The following CAST variants were observed in gnomAD, a reference collection of about 807,000 sequenced individuals.
CAST encodes the protein calpastatin, also known as MIR583 host.
A neutral mutation model predicts 119.6 loss-of-function variants in CAST; 76 were observed. That is an observed-to-expected ratio of 0.64 (90% CI 0.53 to 0.77). The LOEUF is 0.77. Ranked by LOEUF, CAST falls within the 30% of genes least tolerant of loss-of-function variation. CAST has a pLI of 0.00. For synonymous variants in CAST, 319 were observed against 331.6 expected, an observed-to-expected ratio of 0.96 and a Z score of 0.41; for missense variants, 953 against 946.5, an observed-to-expected ratio of 1.01 and a Z score of -0.09.
the CAST span, among the ~76,000 whole-genome samples, chr5:96,076,501 G>A: frequency 2.6e-5 from 4 of 152,152 alleles, no homozygotes; most frequent in African/African-American, 4.8e-5. Flanking sequence ...ATCCTTCTGC[G>A]TGTAAATAAA....
the CAST span, among the ~76,000 whole-genome samples, chr5:96,458,160 G>A: frequency 5.3e-5 from 8 of 151,810 alleles, no homozygotes; most frequent in South Asian, 1.7e-3. Flanking sequence ...TAAAATAGTT[G>A]AAAAAAAATG....
chr5:95,997,091 C>CCTT, the CAST span, among the ~76,000 whole-genome samples: 1 of 152,150 alleles, frequency 6.6e-6, no homozygotes, highest in East Asian at 1.9e-4. Flanking sequence ...CATACAATGA[C>CCTT]TCAACAGATT....
the CAST span, among the ~76,000 whole-genome samples, chr5:96,518,505 G>T: frequency 9.5e-4 from 145 of 152,254 alleles, no homozygotes; most frequent in Middle Eastern, 3.4e-3. Context: ...TTGACTCAAG[G>T]GTGGGACCCA....
At chr5:96,160,882 T>C in the CAST span, among the ~76,000 whole-genome samples, 2 of 152,354 alleles carry the variant, frequency 1.3e-5, no homozygotes, top group Middle Eastern at 3.4e-3. Flanking sequence ...ATTTTGTATG[T>C]GCTTATTGGT....
the CAST span, chr5:96,425,748 T>C: frequency 6.1e-6 from 5 of 816,550 alleles, no homozygotes; most frequent in Admixed American, 4.1e-5. Context: ...AAAAAATCCA[T>C]GTTGCAAATG....
At chr5:96,346,648 G>A in the CAST span, among the ~76,000 whole-genome samples, 9 of 152,088 alleles carry the variant, frequency 5.9e-5, no homozygotes, top group Non-Finnish European at 7.4e-5. Flanking sequence ...ACCTCATAAT[G>A]TATCGTCTGT....
chr5:96,736,983 CA>C (rs1211242783), intron 10 of CAST, among the ~76,000 whole-genome samples: 1 of 152,134 alleles, frequency 6.6e-6, no homozygotes, highest in African/African-American at 2.4e-5. Context: ...ACTTTCTTCA[CA>C]AGGCAGCAGG....
chr5:96,283,669 C>T, the CAST span, among the ~76,000 whole-genome samples: 2 of 152,328 alleles, frequency 1.3e-5, no homozygotes, highest in South Asian at 4.1e-4. Flanking sequence ...TGAGTCCAGC[C>T]CTGTCCTCGG....
chr5:96,586,757 C>T (rs1010726382), intron 1 of CAST, among the ~76,000 whole-genome samples: 1 of 152,232 alleles, frequency 6.6e-6, no homozygotes, highest in Non-Finnish European at 1.5e-5. Context: ...GTATAAATTA[C>T]ATACCTACCA....
Position 96,671,097 on chromosome 5 carries a change from G to A in CAST, c.76-4442G>A, listed in dbSNP as rs368186778. Among the ~76,000 whole-genome samples the A allele has an allele frequency of 1.6e-4, 25 of 152,312 alleles. 1 individual carries two copies. Among genetic ancestry groups the A allele is most frequent in the African/African-American group, 6.0e-4 (25 of 41,578 alleles). On this transcript the variant is annotated intron_variant, in intron 1 of 31. Transcript: ENST00000675179. The stretch of plus-strand genomic sequence containing the variant: ...CTATGTGATAAAGGGGGTGAAAACA[G>A]TTTGGAAAATTATTCCTTCTTGAGT...
chr5:96,263,896 A>C, the CAST span, among the ~76,000 whole-genome samples: 1 of 152,158 alleles, frequency 6.6e-6, no homozygotes, highest in East Asian at 1.9e-4. Flanking sequence ...CTTTAGGACC[A>C]TCAGATCTTG....
chr5:96,456,572 T>C, the CAST span, among the ~76,000 whole-genome samples: 1 of 152,236 alleles, frequency 6.6e-6, no homozygotes, highest in African/African-American at 2.4e-5. Flanking sequence ...TTTGATAATC[T>C]CCCTTTAATA....
chr5:96,019,352 A>G, the CAST span, among the ~76,000 whole-genome samples: 8 of 152,216 alleles, frequency 5.3e-5, no homozygotes, highest in African/African-American at 1.9e-4. Flanking sequence ...CTAAAAAACT[A>G]TGTAAAGCAA....
intron 2 of CAST, among the ~76,000 whole-genome samples, chr5:96,683,294 G>A (rs767823706): frequency 4.6e-5 from 7 of 152,136 alleles, no homozygotes; most frequent in Non-Finnish European, 7.4e-5. Flanking sequence ...GATTAGGATG[G>A]AGATTCTGCC....
the CAST span, among the ~76,000 whole-genome samples, chr5:96,345,015 T>G: frequency 1.3e-5 from 2 of 152,194 alleles, no homozygotes; most frequent in African/African-American, 4.8e-5. Flanking sequence ...CTTGATGTGC[T>G]TATGTGTATG....
At chr5:96,317,848 T>A in the CAST span, among the ~76,000 whole-genome samples, 1 of 152,160 alleles carries the variant, frequency 6.6e-6, no homozygotes, top group Non-Finnish European at 1.5e-5. Flanking sequence ...TTTGGTAACA[T>A]CTGCACCCTG....
At chr5:95,965,558 T>C in the CAST span, among the ~76,000 whole-genome samples, 19 of 152,212 alleles carry the variant, frequency 1.2e-4, no homozygotes, top group African/African-American at 4.6e-4. Context: ...TATAGAGTTA[T>C]AGCACAGAAG....
At chr5:96,398,644 T>C in the CAST span, among the ~76,000 whole-genome samples, 1 of 152,202 alleles carries the variant, frequency 6.6e-6, no homozygotes. Flanking sequence ...CAGAAAAGTG[T>C]ATTAATTAGC....
chr5:96,485,245 C>G, the CAST span, among the ~76,000 whole-genome samples: 9 of 152,260 alleles, frequency 5.9e-5, no homozygotes, highest in South Asian at 1.9e-3. Flanking sequence ...ACAATACGAA[C>G]ACTCACAAGT....
Sources: allele counts gnomAD v4.1 joint callset (sites outside exome capture counted in the v4.1 genomes callset), GRCh38; gene constraint gnomAD v4.1.1; transcripts MANE v1.5; gene names NCBI Gene and HGNC (gene_info 2026-07-23, HGNC 2026-07-21).